Variants in DNMT3A observed in about 807,000 individuals in gnomAD.
DNMT3A encodes the protein DNA methyltransferase 3 alpha, also known as DNA (cytosine-5)-methyltransferase 3A.
A neutral mutation model predicts 117.6 loss-of-function variants in DNMT3A; 267 were observed. The observed-to-expected ratio is 2.27, with a 90% CI of 2.05 to 2.51. DNMT3A has a LOEUF of 2.51. Among genes scored for constraint, DNMT3A ranks in the 30% most tolerant of loss-of-function variants. The probability of loss-of-function intolerance (pLI) is 0.00; values close to 1 mark genes in which losing one functional copy is unlikely to be tolerated. For missense variants in DNMT3A, 1,029 were observed against 1,260.2 expected, an observed-to-expected ratio of 0.82 and a Z score of 2.78; for synonymous variants, 432 against 474.8, an observed-to-expected ratio of 0.91 and a Z score of 1.17.
In DNMT3A at chr2:25,252,919, A is replaced by G. The variant is rs1402927061; in HGVS notation, c.640-4667T>C. ...TTGGGGGGTCTCCCGCCTCCACACT[A>G]CAGGTGAATAGAGAAGCGGGGGGGC... is the stretch of plus-strand genomic sequence containing the variant. On this transcript the variant is annotated intron_variant, in intron 6 of 22. Transcript: ENST00000321117. This position sits in a 1 kb window ranked among gnomAD's most constrained non-coding sequence, Gnocchi z 5.5. Among the ~76,000 whole-genome samples the G allele has an allele frequency of 1.3e-5, 2 of 152,062 alleles. No individual in the cohort carries two copies. The highest frequency in any genetic ancestry group is 2.9e-5 in the Non-Finnish European group (2 of 68,000).
intron 1 of DNMT3A, among the ~76,000 whole-genome samples, chr2:25,338,499 G>A (rs535453817): frequency 3.9e-5 from 6 of 152,276 alleles, no homozygotes; most frequent in East Asian, 3.9e-4. Flanking sequence ...GGCAGTGGCC[G>A]CTGGGCAGCG....
At chr2:25,341,062 G>GGCCCCGCCGGC (rs1408598730) in intron 1 of DNMT3A, among the ~76,000 whole-genome samples, 1 of 143,306 alleles carries the variant, frequency 7.0e-6, no homozygotes, top group African/African-American at 2.5e-5. Context: ...CGCCCCTCCC[G>GGCCCCGCCGGC]GCCCCGCCGG....
intron 17 of DNMT3A, among the ~76,000 whole-genome samples, chr2:25,241,244 A>G (rs1050225514): frequency 1.3e-5 from 2 of 152,210 alleles, no homozygotes; most frequent in Non-Finnish European, 2.9e-5. Flanking sequence ...CAGCCCAGGG[A>G]GTAGCCAGAG....
At chr2:25,267,218 C>T (rs1215474659) in intron 6 of DNMT3A, among the ~76,000 whole-genome samples, 4 of 152,124 alleles carry the variant, frequency 2.6e-5, no homozygotes, top group Non-Finnish European at 5.9e-5. Flanking sequence ...CGCATACACA[C>T]GGATAGGAAA....
In DNMT3A at chr2:25,304,149, C is replaced by T. The variant is rs1304664822; in HGVS notation, c.73-3906G>A. Among the ~76,000 whole-genome samples the T allele has an allele frequency of 6.6e-6, 1 of 152,130 alleles. No homozygotes were observed. The highest frequency in any genetic ancestry group is 2.4e-5 in the African/African-American group (1 of 41,410). On this transcript the variant is annotated intron_variant, in intron 2 of 22. Transcript: ENST00000321117. This position sits in a 1 kb window ranked among gnomAD's most constrained non-coding sequence, Gnocchi z 4.3. ...AGCCAGGGGACTGAATTCGTCCACACTTCCAGCGCAGAGGGGAGGGGGTGG... is the reference window on the plus strand; with the variant it reads ...AGCCAGGGGACTGAATTCGTCCACATTTCCAGCGCAGAGGGGAGGGGGTGG...
intron 6 of DNMT3A, among the ~76,000 whole-genome samples, chr2:25,253,683 G>A (rs1467368700): frequency 6.6e-6 from 1 of 152,232 alleles, no homozygotes; most frequent in Non-Finnish European, 1.5e-5. Context: ...AATCAGCCTA[G>A]TTGCCGTTGG....
Position 25,306,425 on chromosome 2 carries a change from G to A in DNMT3A, c.73-6182C>T, listed in dbSNP as rs1245024968. ...CTGCTTAGGTCGTGTCATAATTACCGAGGAAAGCCTTCCATCCTCCTGAAA... is the reference window on the plus strand; with the variant it reads ...CTGCTTAGGTCGTGTCATAATTACCAAGGAAAGCCTTCCATCCTCCTGAAA... On this transcript the variant is annotated intron_variant, in intron 2 of 22. Coordinates refer to ENST00000321117, the MANE Select transcript of DNMT3A (RefSeq NM_022552.5). The surrounding 1 kb of genome is among the most constrained non-coding windows in gnomAD (Gnocchi z 4.1). Among the ~76,000 whole-genome samples the A allele has an allele frequency of 6.6e-6, 1 of 152,148 alleles. No individual in the cohort carries two copies. The highest frequency in any genetic ancestry group is 1.5e-5 in the Non-Finnish European group (1 of 68,030).
At chr2:25,244,945 C>A (rs568213491) in intron 13 of DNMT3A, among the ~76,000 whole-genome samples, 10 of 152,340 alleles carry the variant, frequency 6.6e-5, no homozygotes, top group African/African-American at 2.4e-4. Flanking sequence ...CTCCCCAGGG[C>A]ACGGCAACCC....
At chr2:25,313,747 C>A (rs2034247121) in intron 2 of DNMT3A, among the ~76,000 whole-genome samples, 166 bp downstream of exon 2, 1 of 152,228 alleles carries the variant, frequency 6.6e-6, no homozygotes, top group South Asian at 2.1e-4. Context: ...CCTCTGCAAG[C>A]CTCCGTTTCC....
In DNMT3A at chr2:25,282,040, T is replaced by G; in HGVS notation, c.448+401A>C. 1.1e-5 allele frequency: 13 copies of G among 1,154,128 alleles called. No individual in the cohort carries two copies. The highest frequency in any genetic ancestry group is 1.4e-5 in the Non-Finnish European group (13 of 932,718). 71.5% of individuals were successfully genotyped at this position (1,154,128 alleles called of 1,614,324 possible). On this transcript the variant is annotated intron_variant, in intron 4 of 22. Coordinates refer to ENST00000321117, the MANE Select transcript of DNMT3A (RefSeq NM_022552.5). The surrounding 1 kb of genome is among the most constrained non-coding windows in gnomAD (Gnocchi z 5.2). The stretch of plus-strand genomic sequence containing the variant: ...CACGTGGGAGAGTAAGCAGGCCAGG[T>G]AGAGCTGCAGAAAACTAAGGCCCAC...
rs767657760 is a variant in DNMT3A, at chr2:25,275,079, C to T, written c.501G>A (p.Arg167=). Residue 167 remains arginine, a synonymous_variant, in exon 6 of 23, where the codon CGG becomes CGA. Coordinates refer to ENST00000321117, the MANE Select transcript of DNMT3A (RefSeq NM_022552.5). ...AGCCCAAGCCACCCCGCAGCCGGCC[C>T]CGGGAGCCCTAGGACAGAGAGACAG... ...NIESMKMEGS[R]GRLRGGLGWE... is the part of the protein sequence containing the mutation. 2 of 1,586,340 alleles carry T rather than the reference C, an allele frequency of 1.3e-6. No homozygotes were observed. The highest frequency in any genetic ancestry group is 2.3e-5 in the South Asian group (2 of 87,968).
At chr2:25,253,812 G>A (rs1433062652) in intron 6 of DNMT3A, among the ~76,000 whole-genome samples, 1 of 152,178 alleles carries the variant, frequency 6.6e-6, no homozygotes, top group Non-Finnish European at 1.5e-5. Flanking sequence ...GGTGGCTCAC[G>A]CCTATAATCC....
chr2:25,275,414 A>AC, intron 5 of DNMT3A, 86 bp downstream of exon 5: 1 of 710,724 alleles, frequency 1.4e-6, no homozygotes, highest in Non-Finnish European at 2.1e-6. Context: ...GGAGGGGCCC[A>AC]CCCTCCGCCC....
intron 2 of DNMT3A, among the ~76,000 whole-genome samples, chr2:25,312,075 T>C (rs904387999): frequency 3.3e-5 from 5 of 152,156 alleles, no homozygotes; most frequent in African/African-American, 1.2e-4. Context: ...TGCCAGTGCA[T>C]TGATGGGGAG....
chr2:25,276,622 C>A (rs34711020), intron 4 of DNMT3A, among the ~76,000 whole-genome samples: 2 of 152,238 alleles, frequency 1.3e-5, no homozygotes, highest in Non-Finnish European at 2.9e-5. Context: ...CCAGGCACCC[C>A]TTCCAGGCCC....
intron 6 of DNMT3A, 100 bp from the exon 7 acceptor site, chr2:25,248,352 G>C: frequency 7.4e-7 from 1 of 1,354,090 alleles, no homozygotes; most frequent in Non-Finnish European, 1.0e-6. Flanking sequence ...CCGGAACAGT[G>C]ACAGAAGGTC....
Position 25,228,242 on chromosome 2 carries a change from A to C in DNMT3A, c.*6037T>G, listed in dbSNP as rs1320133405. The C allele has an allele frequency of 1.2e-4, 17 of 137,192 alleles. No homozygotes were observed. The highest frequency in any genetic ancestry group is 4.1e-4 in the African/African-American group (15 of 36,942). The allele number at this position is 137,192 out of a possible 1,614,324, so 8.5% of individuals were successfully genotyped here. ...AAAAAAAAAAAAAAAAAAAAAAAAA[A>C]AAAAAAAAAATACAGTGGTGAAAGG... On this transcript the variant is annotated 3_prime_UTR_variant, in exon 23 of 23. Coordinates refer to ENST00000321117, the MANE Select transcript of DNMT3A (RefSeq NM_022552.5).
At chr2:25,301,141 C>T (rs937138389) in intron 2 of DNMT3A, among the ~76,000 whole-genome samples, 5 of 151,512 alleles carry the variant, frequency 3.3e-5, no homozygotes, top group Non-Finnish European at 5.9e-5. Flanking sequence ...TGGTGGCACG[C>T]GCCTGTAGTC....
intron 6 of DNMT3A, chr2:25,251,897 C>G: frequency 2.2e-6 from 1 of 445,906 alleles, no homozygotes; most frequent in East Asian, 3.7e-5. Flanking sequence ...TCCGCGTGCC[C>G]CAGCCTGCAG....
Sources: gnomAD v4.1 joint callset for allele counts (sites outside exome capture counted in the v4.1 genomes callset) on GRCh38, gnomAD v4.1.1 for gene constraint, Gnocchi (gnomAD v3.1) non-coding constraint, MANE v1.5 for transcripts, NCBI Gene and HGNC (gene_info 2026-07-23, HGNC 2026-07-21) for gene names.